Variants in TRO observed in about 807,000 individuals in gnomAD.
TRO encodes the protein trophinin.
Under a neutral mutation model 42.3 loss-of-function variants are expected in TRO, and 29 were observed. The ratio of observed to expected loss-of-function variants is 0.68; its 90% CI spans 0.51 to 0.93. TRO has a LOEUF of 0.93. TRO is among the 40% of genes least tolerant of loss of function. TRO has a pLI of 0.00. For synonymous variants in TRO, 384 were observed against 425.2 expected (o/e 0.90, Z 1.19); for missense variants, 963 against 1,127.7 (o/e 0.85, Z 2.09).
At chrX:54,924,415 G>T in intron 3 of TRO, 36 bp from the exon 4 acceptor site, 1 of 1,137,343 alleles carries the variant, frequency 8.8e-7, no homozygotes, top group Non-Finnish European at 1.2e-6. Context: ...TCTTTCACCT[G>T]GTGACTCTGG....
rs1602156885 is a variant in TRO at position 54,929,996 on chromosome X, G to A, written c.3272G>A (p.Gly1091Asp). ...GTCAGCACCAGTGCTTGCTTCAGTG[G>A]TGCACCAATCACCAACCCTGGCTTT... ...GAVSTSACFS[G>D]APITNPGFGG... is the part of the protein sequence containing the mutation. Residue 1091 changes from glycine (G) to aspartate (D), a missense_variant, in exon 12 of 13, where the codon GGT (glycine) becomes GAT (aspartate). Transcript: ENST00000173898. The A allele has an allele frequency of 8.3e-7, 1 of 1,212,111 alleles. No homozygotes were observed. The highest frequency in any genetic ancestry group is 1.1e-6 in the Non-Finnish European group (1 of 895,604).
In TRO at chrX:54,925,053, C is replaced by A; in HGVS notation, c.1470C>A (p.Ser490Arg). 8.3e-7 allele frequency: 1 copy of A among 1,211,364 alleles called. No homozygotes were observed. The highest frequency in any genetic ancestry group is 1.1e-6 in the Non-Finnish European group (1 of 895,111). Residue 490 changes from serine (S) to arginine (R), a missense_variant, in exon 6 of 13, where the codon AGC becomes AGA. Physicochemically the swap from Ser to Arg is moderately radical, Grantham distance 110. Transcript: ENST00000173898. The stretch of plus-strand genomic sequence containing the variant: ...TCCCAGAAATCATTGAACGAGCAAG[C>A]TACACTCTGGAGAAGGTGAAGGGGC... ...EYFPEIIERASYTLEKMFRVN... is the reference protein window; with the variant it reads ...EYFPEIIERARYTLEKMFRVN...
At position 54,930,261 on chromosome X, in the gene TRO, T is replaced by C; in HGVS notation, c.3537T>C (p.Phe1179=). 8.3e-7 allele frequency: 1 copy of C among 1,212,078 alleles called. No homozygotes were observed. The highest frequency in any genetic ancestry group is 1.1e-6 in the Non-Finnish European group (1 of 895,448). ...GCCCTCCTAGCACCAGTGCCTGCTT[T>C]AGTGGTGCTACCAGCCCTAGTTTTT... is the stretch of plus-strand genomic sequence containing the variant. ...FGGPPSTSAC[F]SGATSPSFCD... is the part of the protein sequence containing the mutation. The change falls in exon 12 of 13, where the codon TTT becomes TTC. Residue 1179 remains phenylalanine, a synonymous_variant. Transcript: ENST00000173898.
chrX:54,920,968 TTGAAGAAAACCTG>T, intron 1 of TRO, 90 bp downstream of exon 1: 1 of 111,026 alleles, frequency 9.0e-6, no homozygotes, highest in Middle Eastern at 4.6e-3. Flanking sequence ...CCCCTAAGGT[TTGAAGAAAACCTG>T]CTGGAGGTTT....
In TRO at chrX:54,930,634, G is replaced by A; in HGVS notation, c.3910G>A (p.Gly1304Ser). 3 of 1,209,197 alleles carry A rather than the reference G, an allele frequency of 2.5e-6. No homozygotes were observed. Among genetic ancestry groups the A allele is most frequent in the Non-Finnish European group, 2.2e-6 (2 of 894,122 alleles). ...CAATGCTAGTTTCGGCAGCACACTTGGCACCAGTGCTGGCTTTAGTGGTGG... is the reference window on the plus strand; with the variant it reads ...CAATGCTAGTTTCGGCAGCACACTTAGCACCAGTGCTGGCTTTAGTGGTGG... ...GTNASFGSTLGTSAGFSGGLS... is the reference protein window; with the variant it reads ...GTNASFGSTLSTSAGFSGGLS... The change falls in exon 12 of 13, where the codon GGC becomes AGC. Residue 1304 changes from glycine (G) to serine (S), a missense_variant. Around this residue, in one of 2 missense-constraint regions of TRO, gnomAD observed 641 missense variants for 811.3 expected, o/e 0.79. Transcript: ENST00000173898.
rs750973844 is a variant in TRO, at chrX:54,927,743, G to A, written c.1840G>A (p.Glu614Lys). ...CTTCTGGGGCTTGCGCTCCTACCAC[G>A]AGACTAGCAAGATGAAAGTCCTCAA... is the stretch of plus-strand genomic sequence containing the variant. Reference protein sequence around the residue: ...EFFWGLRSYHETSKMKVLKFA... With the variant: ...EFFWGLRSYHKTSKMKVLKFA... Residue 614 changes from glutamate (E) to lysine (K), a missense_variant, in exon 11 of 13, where the codon GAG (glutamate) becomes AAG (lysine). This residue lies in a region of TRO where 641 missense variants were observed against 811.3 expected (regional missense o/e 0.79). Coordinates refer to ENST00000173898, the MANE Select transcript of TRO (RefSeq NM_001039705.3). 10 of 1,211,453 alleles carry A rather than the reference G, an allele frequency of 8.3e-6. No homozygotes were observed. The highest frequency in any genetic ancestry group is 1.8e-5 in the South Asian group (1 of 56,899).
intron 11 of TRO, among the ~76,000 whole-genome samples, chrX:54,928,140 T>G (rs1932834431): frequency 8.9e-6 from 1 of 112,551 alleles, no homozygotes; most frequent in Admixed American, 9.4e-5. Context: ...CTTCTTGCTG[T>G]GTCCTCACAT....
chrX:54,926,307 G>C, intron 7 of TRO, 103 bp from the exon 8 acceptor site: 1 of 797,847 alleles, frequency 1.3e-6, no homozygotes, highest in Non-Finnish European at 1.8e-6. Flanking sequence ...AGGTTAGCCT[G>C]GTGAGCTGGC....
At chrX:54,924,589 C>T in intron 4 of TRO, 34 bp downstream of exon 4, 2 of 1,198,343 alleles carry the variant, frequency 1.7e-6, no homozygotes, top group Non-Finnish European at 2.3e-6. Flanking sequence ...CTCTTCTCTT[C>T]TTCACTTGCC....
At chrX:54,920,948 A>AGGAGG in intron 1 of TRO, 70 bp downstream of exon 1, 1 of 110,748 alleles carries the variant, frequency 9.0e-6, no homozygotes, top group Middle Eastern at 4.6e-3. Flanking sequence ...GACGTGCCTG[A>AGGAGG]CTCCACACGC....
At chrX:54,926,805 C>T (rs925876585) in intron 9 of TRO, 180 bp downstream of exon 9, 1 of 719,192 alleles carries the variant, frequency 1.4e-6, no homozygotes, top group Non-Finnish European at 2.0e-6. Context: ...TCTGCTGTCT[C>T]TCTCCTTAAT....
intron 7 of TRO, 35 bp from the exon 8 acceptor site, chrX:54,926,375 A>G: frequency 8.4e-7 from 1 of 1,183,974 alleles, no homozygotes. Flanking sequence ...TCCTGTTGAA[A>G]CATAAACCTT....
rs1227751095 is a variant in TRO at position 54,930,263 on chromosome X, G to A, written c.3539G>A (p.Ser1180Asn). The change falls in exon 12 of 13, where the codon AGT becomes AAT. Residue 1180 changes from serine (S) to asparagine (N), a missense_variant. Around this residue, in one of 2 missense-constraint regions of TRO, gnomAD observed 641 missense variants for 811.3 expected, o/e 0.79. Coordinates refer to ENST00000173898, the MANE Select transcript of TRO (RefSeq NM_001039705.3). ...CCTCCTAGCACCAGTGCCTGCTTTAGTGGTGCTACCAGCCCTAGTTTTTGT... is the reference window on the plus strand; with the variant it reads ...CCTCCTAGCACCAGTGCCTGCTTTAATGGTGCTACCAGCCCTAGTTTTTGT... ...GGPPSTSACF[S>N]GATSPSFCDG... 8.2e-7 allele frequency: 1 copy of A among 1,212,247 alleles called. No homozygotes were observed. Among genetic ancestry groups the A allele is most frequent in the Admixed American group, 2.2e-5 (1 of 46,131 alleles).
rs1932928650 is a variant in TRO, at chrX:54,929,627, G to A, written c.2903G>A (p.Gly968Asp). The change falls in exon 12 of 13, where the codon GGC becomes GAC. Residue 968 changes from glycine (G) to aspartate (D), a missense_variant. By Grantham distance (94) the Gly-to-Asp change is moderately conservative. Around this residue, in one of 2 missense-constraint regions of TRO, gnomAD observed 641 missense variants for 811.3 expected, o/e 0.79. Transcript: ENST00000173898. ...GATGGCTCTCCCAGCACTGGTGCTG[G>A]CTTTGGTGGTGCTCTCAACACCAGT... ...CFDGSPSTGA[G>D]FGGALNTSAS... 8.3e-7 allele frequency: 1 copy of A among 1,211,734 alleles called. No homozygotes were observed. The highest frequency in any genetic ancestry group is 1.1e-6 in the Non-Finnish European group (1 of 895,383).
Position 54,923,429 on chromosome X carries a change from A to C in TRO, c.897A>C (p.Lys299Asn), listed in dbSNP as rs1445622324. 2 of 1,195,723 alleles carry C rather than the reference A, an allele frequency of 1.7e-6. No individual in the cohort carries two copies. The highest frequency in any genetic ancestry group is 3.5e-5 in the African/African-American group (2 of 57,519). Reference protein sequence around the residue: ...EASVVAIRPKKSKGKKAASRG... With the variant: ...EASVVAIRPKNSKGKKAASRG... ...CAGTAGTGGCTATCAGGCCCAAAAAATCCAAGGGCAAGAAGGCTGCCAGCA... is the reference window on the plus strand; with the variant it reads ...CAGTAGTGGCTATCAGGCCCAAAAACTCCAAGGGCAAGAAGGCTGCCAGCA... The change falls in exon 3 of 13, where the codon AAA (lysine) becomes AAC (asparagine). Residue 299 changes from lysine to asparagine, a missense_variant. Physicochemically the swap from Lys to Asn is moderately conservative, Grantham distance 94 (BLOSUM62 0). Coordinates refer to ENST00000173898, the MANE Select transcript of TRO (RefSeq NM_001039705.3).
rs367700969 is a variant in TRO at position 54,926,378 on chromosome X, T to G, written c.1578-32T>G. 181 of 1,185,540 alleles carry G rather than the reference T, an allele frequency of 1.5e-4. No homozygotes were observed. In the Middle Eastern group the frequency reaches 1.6e-3, roughly 11 times the overall value. ...ACCTTCTTTCTGTCCTGTTGAAACA[T>G]AAACCTTCTTTCTGTCCTGTTATTC... On this transcript the variant is annotated intron_variant, in intron 7 of 12. Coordinates refer to ENST00000173898, the MANE Select transcript of TRO (RefSeq NM_001039705.3).
intron 3 of TRO, 100 bp from the exon 4 acceptor site, chrX:54,924,351 G>A (rs1932495927): frequency 1.3e-6 from 1 of 767,632 alleles, no homozygotes; most frequent in Admixed American, 3.8e-5. Context: ...GCTGAGGGAG[G>A]GGGTTAGAGG....
Position 54,923,272 on chromosome X carries a change from C to A in TRO, c.740C>A (p.Thr247Asn). ...QITNETASIH[T>N]TAASIRTKKA... ...ACCAATGAGACAGCCAGTATCCACA[C>A]CACAGCAGCCTCCATCCGAACCAAG... Residue 247 changes from threonine (T) to asparagine (N), a missense_variant, in exon 3 of 13, where the codon ACC becomes AAC. Physicochemically the swap from Thr to Asn is moderately conservative, Grantham distance 65. Coordinates refer to ENST00000173898, the MANE Select transcript of TRO (RefSeq NM_001039705.3). 8.3e-7 allele frequency: 1 copy of A among 1,211,769 alleles called. No individual in the cohort carries two copies.
Position 54,928,706 on chromosome X carries a change from C to T in TRO, c.1982C>T (p.Ala661Val). ...AVAVAEAEAR[A>V]EARAQMGIGE... Reference sequence around the variant, plus strand: ...GCTGTGGCTGAGGCTGAAGCCAGGGCTGAGGCAAGAGCCCAAATGGGGATT... The same window carrying T: ...GCTGTGGCTGAGGCTGAAGCCAGGGTTGAGGCAAGAGCCCAAATGGGGATT... The change falls in exon 12 of 13, where the codon GCT (alanine) becomes GTT (valine). Residue 661 changes from alanine (A) to valine (V), a missense_variant. Ala to Val is a moderately conservative substitution (Grantham distance 64). This residue lies in a region of TRO where 641 missense variants were observed against 811.3 expected (regional missense o/e 0.79). Transcript: ENST00000173898. The T allele has an allele frequency of 8.3e-7, 1 of 1,209,811 alleles. No homozygotes were observed. Among genetic ancestry groups the T allele is most frequent in the Non-Finnish European group, 1.1e-6 (1 of 894,625 alleles).
Sources: gnomAD v4.1 joint callset for allele counts (sites outside exome capture counted in the v4.1 genomes callset) on GRCh38, gnomAD v4.1.1 for gene constraint, gnomAD v4.1.1 regional missense constraint, MANE v1.5 for transcripts, NCBI Gene and HGNC (gene_info 2026-07-23, HGNC 2026-07-21) for gene names.